Variants in FAM133A observed in about 807,000 individuals in gnomAD.
FAM133A encodes protein FAM133A.
For synonymous variants in FAM133A, 65 were observed against 58.6 expected (o/e 1.11, Z -0.50); for missense variants, 159 against 164.4 (o/e 0.97, Z 0.18).
At position 93,679,958 on chromosome X, in the gene FAM133A, T is replaced by TTTC. The variant is rs1569344510; in HGVS notation, c.-193+5206_-193+5207insTTC. ...TTTTTTTTTTTTTTTTTTTTTTTTTTAGTAGAGACAGGGTTTCACCATATT... is the reference window on the plus strand; with the variant it reads ...TTTTTTTTTTTTTTTTTTTTTTTTTTTTCAGTAGAGACAGGGTTTCACCATATT... On this transcript the variant is annotated intron_variant, in intron 2 of 3. Transcript: ENST00000683942. 7.3e-4 allele frequency among the ~76,000 whole-genome samples: 53 copies of TTTC among 72,840 alleles called. 1 individual carries two copies. The Admixed American group carries it at 8.1e-3, about 11-fold the overall frequency. The allele number at this position is 72,840 out of a possible 115,157, so 63.3% of individuals were successfully genotyped here. A position where few individuals can be genotyped will look rare whatever the true frequency, so the allele number is the denominator to read the frequency against.
chrX:93,703,869 GAA>G (rs1236104814), intron 3 of FAM133A, among the ~76,000 whole-genome samples: 2 of 112,217 alleles, frequency 1.8e-5, no homozygotes, highest in Non-Finnish European at 3.8e-5. Context: ...GTAGAGGGAA[GAA>G]AGAGGAAGAG....
chrX:93,696,194 G>A (rs1052393697), intron 2 of FAM133A, among the ~76,000 whole-genome samples: 1 of 111,082 alleles, frequency 9.0e-6, no homozygotes, highest in Non-Finnish European at 1.9e-5. Context: ...CAGGCAGCTC[G>A]ATAAAAATAA....
chrX:93,705,692 GTCTTTAT>G (rs1926994925), intron 3 of FAM133A, among the ~76,000 whole-genome samples: 1 of 110,768 alleles, frequency 9.0e-6, no homozygotes, highest in Non-Finnish European at 1.9e-5. Flanking sequence ...TCCATTCCCT[GTCTTTAT>G]TCTTTGCCTC....
Position 93,710,075 on chromosome X carries a change from A to G in FAM133A, c.656A>G (p.Lys219Arg). Residue 219 changes from lysine to arginine, a missense_variant, in exon 4 of 4, where the codon AAG becomes AGG. By Grantham distance (26) the Lys-to-Arg change is conservative. Coordinates refer to ENST00000683942, the MANE Select transcript of FAM133A (RefSeq NM_001171109.2). ...KRRCEEREQA[K>R]EKVKKKKKKQ... ...AGGTGTGAAGAGCGAGAACAAGCAAAGGAAAAAGTAAAGAAGAAGAAGAAG... is the reference window on the plus strand; with the variant it reads ...AGGTGTGAAGAGCGAGAACAAGCAAGGGAAAAAGTAAAGAAGAAGAAGAAG... 1 of 1,201,172 alleles carries G rather than the reference A, an allele frequency of 8.3e-7. No individual in the cohort carries two copies. The highest frequency in any genetic ancestry group is 1.8e-5 in the South Asian group (1 of 55,505).
intron 2 of FAM133A, among the ~76,000 whole-genome samples, chrX:93,676,692 A>G (rs1382827078): frequency 1.8e-5 from 2 of 109,096 alleles, no homozygotes; most frequent in Non-Finnish European, 3.8e-5. Flanking sequence ...TTAACCACTC[A>G]CACTGATCCT....
chrX:93,678,180 G>A (rs1924853462), intron 2 of FAM133A, among the ~76,000 whole-genome samples: 1 of 111,382 alleles, frequency 9.0e-6, no homozygotes, highest in African/African-American at 3.3e-5. Context: ...TTTTGGTGAA[G>A]TGACCATTTG....
At chrX:93,690,311 A>T (rs1394335601) in intron 2 of FAM133A, among the ~76,000 whole-genome samples, 1 of 111,419 alleles carries the variant, frequency 9.0e-6, no homozygotes, top group Non-Finnish European at 1.9e-5. Flanking sequence ...GAGTTATGGG[A>T]CCATCACCAT....
At chrX:93,679,473 A>G (rs1360059904) in intron 2 of FAM133A, among the ~76,000 whole-genome samples, 1 of 111,266 alleles carries the variant, frequency 9.0e-6, no homozygotes, top group African/African-American at 3.3e-5. Context: ...CCTTAACTGC[A>G]TGGAGTTTAA....
At chrX:93,696,851 C>T (rs1602828725) in intron 2 of FAM133A, among the ~76,000 whole-genome samples, 2 of 108,287 alleles carry the variant, frequency 1.8e-5, no homozygotes, top group Admixed American at 2.0e-4. Context: ...ACCCGGGAAG[C>T]GGAGCTGGCA....
At position 93,710,874 on chromosome X, in the gene FAM133A, C is replaced by G. The variant is rs1357189613; in HGVS notation, c.*708C>G. 8.1e-6 allele frequency: 1 copy of G among 123,153 alleles called. No homozygotes were observed. The highest frequency in any genetic ancestry group is 1.9e-5 in the Non-Finnish European group (1 of 53,206). The allele number at this position is 123,153 out of a possible 1,213,427, so 10.1% of individuals were successfully genotyped here. On this transcript the variant is annotated 3_prime_UTR_variant, in exon 4 of 4. Coordinates refer to ENST00000683942, the MANE Select transcript of FAM133A (RefSeq NM_001171109.2). ...CTCTTCTTCAGCACTGTTTACTATACAGTACTGAATAATATTTAGTATTAC... is the reference window on the plus strand; with the variant it reads ...CTCTTCTTCAGCACTGTTTACTATAGAGTACTGAATAATATTTAGTATTAC...
rs193213152 is a variant in FAM133A, at chrX:93,688,319, A to G, written c.-192-10078A>G. On this transcript the variant is annotated intron_variant, in intron 2 of 3. Coordinates refer to ENST00000683942, the MANE Select transcript of FAM133A (RefSeq NM_001171109.2). ...GGATTGCCTTTTCTCCAAATCTCTC[A>G]TGTTTTAATATTCAACTTATCTTTT... Among the ~76,000 whole-genome samples the G allele has an allele frequency of 1.3e-3, 148 of 110,650 alleles. 1 individual carries two copies. Among genetic ancestry groups the G allele is most frequent in the African/African-American group, 4.7e-3 (142 of 30,487 alleles).
intron 2 of FAM133A, among the ~76,000 whole-genome samples, chrX:93,688,219 T>C (rs1470546081): frequency 1.8e-5 from 2 of 110,139 alleles, no homozygotes; most frequent in East Asian, 5.7e-4. Context: ...GTTCAATTTT[T>C]AGTTTTTTAA....
At position 93,710,154 on chromosome X, in the gene FAM133A, C is replaced by T; in HGVS notation, c.735C>T (p.His245=). 8.5e-7 allele frequency: 1 copy of T among 1,173,670 alleles called. No homozygotes were observed. Among genetic ancestry groups the T allele is most frequent in the Non-Finnish European group, 1.1e-6 (1 of 882,859 alleles). ...KKKKKKSGSS[H]KSR is the part of the protein sequence containing the mutation. ...AGAAAAAGAAGTCTGGATCAAGTCA[C>T]AAGTCAAGGTAACATCAAGAAAAAA... The change falls in exon 4 of 4, where the codon CAC becomes CAT. Residue 245 remains histidine, a synonymous_variant. Transcript: ENST00000683942.
At chrX:93,698,703 A>T (rs1050588395) in intron 3 of FAM133A, among the ~76,000 whole-genome samples, 2 of 112,127 alleles carry the variant, frequency 1.8e-5, no homozygotes, top group African/African-American at 6.5e-5. Flanking sequence ...TTGTATAAGT[A>T]GCTATTTCCA....
At chrX:93,697,497 C>G (rs1926385601) in intron 2 of FAM133A, among the ~76,000 whole-genome samples, 2 of 111,201 alleles carry the variant, frequency 1.8e-5, no homozygotes, top group African/African-American at 6.5e-5. Flanking sequence ...ACCTGTTAAC[C>G]AGGTAACACT....
chrX:93,684,437 T>A (rs776789272), intron 2 of FAM133A, among the ~76,000 whole-genome samples: 1 of 112,094 alleles, frequency 8.9e-6, no homozygotes, highest in East Asian at 2.8e-4. Context: ...GTTGGGAAAA[T>A]GCCAGAAACC....
intron 2 of FAM133A, among the ~76,000 whole-genome samples, chrX:93,697,167 T>TTATATATATATATATATATATA (rs767010042): frequency 6.0e-4 from 56 of 93,702 alleles, no homozygotes; most frequent in African/African-American, 2.4e-3. Flanking sequence ...TATAGGCAAG[T>TTATATATATATATATATATATA]TATATATATA....
At position 93,684,105 on chromosome X, in the gene FAM133A, A is replaced by C. The variant is rs755615735; in HGVS notation, c.-193+9353A>C. ...ACCAGTGTCCTGAAGCATTTACTCT[A>C]TGTTTTCTTCTAATAGATTTATAGT... On this transcript the variant is annotated intron_variant, in intron 2 of 3. Transcript: ENST00000683942. Among the ~76,000 whole-genome samples the C allele has an allele frequency of 2.7e-5, 3 of 111,553 alleles. No individual in the cohort carries two copies. The South Asian group carries it at 1.1e-3, about 42-fold the overall frequency.
rs376335726 is a variant in FAM133A, at chrX:93,679,915, A to ATTTTTTT, written c.-193+5200_-193+5206dup. Among the ~76,000 whole-genome samples, 96 of 62,402 alleles carry ATTTTTTT rather than the reference A, an allele frequency of 1.5e-3. 11 individuals are homozygous for ATTTTTTT. The highest frequency in any genetic ancestry group is 7.3e-3 in the African/African-American group (87 of 11,975). The allele number at this position is 62,402 out of a possible 115,157, so 54.2% of individuals were successfully genotyped here. A position where few individuals can be genotyped will look rare whatever the true frequency, so the allele number is the denominator to read the frequency against. ...AGGTGTGTACCACCACTCCTGGCAAATTTTTTTTTTTTTTTTTTTTTTTTT... is the reference window on the plus strand; with the variant it reads ...AGGTGTGTACCACCACTCCTGGCAAATTTTTTTTTTTTTTTTTTTTTTTTTTTTTTTT... On this transcript the variant is annotated intron_variant, in intron 2 of 3. Coordinates refer to ENST00000683942, the MANE Select transcript of FAM133A (RefSeq NM_001171109.2).
Sources: allele counts gnomAD v4.1 joint callset (sites outside exome capture counted in the v4.1 genomes callset), GRCh38; gene constraint gnomAD v4.1.1; transcripts MANE v1.5; gene names NCBI Gene and HGNC (gene_info 2026-07-23, HGNC 2026-07-21).